Variants in PLOD1 observed in about 807,000 individuals in gnomAD.
PLOD1 encodes the protein procollagen-lysine,2-oxoglutarate 5-dioxygenase 1.
A neutral mutation model predicts 94.7 loss-of-function variants in PLOD1; 70 were observed. That is an observed-to-expected ratio of 0.74 (90% CI 0.61 to 0.90). The LOEUF is 0.90. Among genes scored for constraint, PLOD1 ranks in the 40% least tolerant of loss-of-function variants. PLOD1 has a pLI of 0.00. For synonymous variants in PLOD1, 417 were observed against 400.2 expected (o/e 1.04, Z -0.50); for missense variants, 905 against 972.7 (o/e 0.93, Z 0.93).
At chr1:11,949,222 G>A (rs1645678950) in intron 2 of PLOD1, among the ~76,000 whole-genome samples, 3 of 152,208 alleles carry the variant, frequency 2.0e-5, no homozygotes, top group Middle Eastern at 6.8e-3. Flanking sequence ...AACAGTCCCA[G>A]GGAAGGCGCT....
intron 16 of PLOD1, among the ~76,000 whole-genome samples, chr1:11,967,597 G>GAAATATATATAGATTTTATT (rs1553136679): frequency 5.0e-5 from 3 of 59,780 alleles, no homozygotes; most frequent in African/African-American, 1.3e-4. Context: ...GTGTGTGTGT[G>GAAATATATATAGATTTTATT]TATATATATA....
At chr1:11,966,934 G>A in intron 15 of PLOD1, 53 bp from the exon 16 acceptor site, 2 of 1,104,286 alleles carry the variant, frequency 1.8e-6, no homozygotes, top group Non-Finnish European at 2.8e-6. Flanking sequence ...AGAGGAAGGA[G>A]GATTCTGTGG....
chr1:11,942,704 G>T (rs1645623173), intron 1 of PLOD1, among the ~76,000 whole-genome samples: 1 of 152,200 alleles, frequency 6.6e-6, no homozygotes, highest in African/African-American at 2.4e-5. Flanking sequence ...TTGCAGCCCA[G>T]TGTCAGCGGA....
chr1:11,971,429 G>A (rs893052835), intron 17 of PLOD1: 4 of 172,794 alleles, frequency 2.3e-5, no homozygotes, highest in Non-Finnish European at 3.8e-5. Context: ...ACAGGGTGCT[G>A]GGCTGGGACT....
At position 11,964,697 on chromosome 1, in the gene PLOD1, C is replaced by T; in HGVS notation, c.1382C>T (p.Ala461Val). The T allele has an allele frequency of 6.2e-7, 1 of 1,613,370 alleles. No homozygotes were observed. The highest frequency in any genetic ancestry group is 8.5e-7 in the Non-Finnish European group (1 of 1,179,802). The change falls in exon 13 of 19, where the codon GCC becomes GTC. Residue 461 changes from alanine to valine, a missense_variant. Coordinates refer to ENST00000196061, the MANE Select transcript of PLOD1 (RefSeq NM_000302.4). The part of the protein sequence containing the change: ...ISNIYLIKGS[A>V]LRGELQSSDL... ...AACATCTACTTGATCAAGGGCAGTGCCCTGCGGGGTGAGCTGCAGTCCTCA... is the reference window on the plus strand; with the variant it reads ...AACATCTACTTGATCAAGGGCAGTGTCCTGCGGGGTGAGCTGCAGTCCTCA...
At chr1:11,956,486 C>T (rs1394469751) in intron 6 of PLOD1, among the ~76,000 whole-genome samples, 1 of 152,240 alleles carries the variant, frequency 6.6e-6, no homozygotes, top group African/African-American at 2.4e-5. Context: ...CATGCCCAGG[C>T]CTCCCCTGCA....
intron 1 of PLOD1, among the ~76,000 whole-genome samples, chr1:11,947,431 G>A (rs1235209236): frequency 1.3e-5 from 2 of 151,978 alleles, no homozygotes; most frequent in African/African-American, 4.8e-5. Flanking sequence ...TTAGCCAGGT[G>A]TGGTGGCACC....
At chr1:11,952,094 C>A (rs1645707073) in intron 4 of PLOD1, among the ~76,000 whole-genome samples, 1 of 152,202 alleles carries the variant, frequency 6.6e-6, no homozygotes, top group African/African-American at 2.4e-5. Flanking sequence ...ATGGCCTTGC[C>A]CTGGCCCAGG....
chr1:11,957,960 G>A lies in PLOD1; in HGVS notation c.843+17G>A, dbSNP rs201244598. ...GGCATTGGGGTGAGGCTGCGCCCAG[G>A]CCTGTGCCTGAGGGACACGGGGGGC... is the stretch of plus-strand genomic sequence containing the variant. On this transcript the variant is annotated intron_variant, in intron 8 of 18. Transcript: ENST00000196061. This position sits in a 1 kb window ranked among gnomAD's most constrained non-coding sequence, Gnocchi z 4.1. 1.3e-6 allele frequency: 2 copies of A among 1,543,424 alleles called. No homozygotes were observed. Among genetic ancestry groups the A allele is most frequent in the African/African-American group, 1.4e-5 (1 of 73,442 alleles).
Position 11,957,766 on chromosome 1 carries a change from G to A in PLOD1, c.742-76G>A. On this transcript the variant is annotated intron_variant, in intron 7 of 18. Transcript: ENST00000196061. This position sits in a 1 kb window ranked among gnomAD's most constrained non-coding sequence, Gnocchi z 4.1. The stretch of plus-strand genomic sequence containing the variant: ...GCTGGATGGTGCTGACCCACTGGGG[G>A]CCCAGGGAGATGTGAGTCAGGGCTA... The A allele has an allele frequency of 7.2e-6, 7 of 965,768 alleles. No homozygotes were observed. Among genetic ancestry groups the A allele is most frequent in the Non-Finnish European group, 1.2e-5 (7 of 587,916 alleles). The allele number at this position is 965,768 out of a possible 1,614,324, so 59.8% of individuals were successfully genotyped here. A position where few individuals can be genotyped will look rare whatever the true frequency, so the allele number is the denominator to read the frequency against.
At chr1:11,956,521 CTGCTCTGCCTACTCAGAG>C in intron 6 of PLOD1, among the ~76,000 whole-genome samples, 1 of 152,218 alleles carries the variant, frequency 6.6e-6, no homozygotes, top group Non-Finnish European at 1.5e-5. Context: ...TTTCTCAGTG[CTGCTCTGCCTACTCAGAG>C]AAGGCGCGTC....
chr1:11,967,029 G>A lies in PLOD1; in HGVS notation c.1693G>A (p.Ala565Thr). Residue 565 changes from alanine (A) to threonine (T), a missense_variant, in exon 16 of 19, where the codon GCC (alanine) becomes ACC (threonine). Ala to Thr is a moderately conservative substitution (Grantham distance 58). Transcript: ENST00000196061. The stretch of plus-strand genomic sequence containing the variant: ...TTGGTTCCCCATCTTCACGGAGGTG[G>A]CCTGTGATGAGCTGGTGGAGGAGAT... ...VYWFPIFTEV[A>T]CDELVEEMEH... 6.2e-7 allele frequency: 1 copy of A among 1,614,044 alleles called. No homozygotes were observed. The highest frequency in any genetic ancestry group is 8.5e-7 in the Non-Finnish European group (1 of 1,179,890).
intron 9 of PLOD1, among the ~76,000 whole-genome samples, chr1:11,959,618 ATTTTT>A (rs796969636): frequency 1.1e-5 from 1 of 93,116 alleles, no homozygotes; most frequent in East Asian, 2.9e-4. Context: ...AATTTTTTGT[ATTTTT>A]TTTTTTTTTT....
chr1:11,937,720 C>A (rs536871194), intron 1 of PLOD1, among the ~76,000 whole-genome samples: 1 of 152,266 alleles, frequency 6.6e-6, no homozygotes, highest in African/African-American at 2.4e-5. Context: ...CCAAGGAAGC[C>A]TTCACAGAGG....
intron 2 of PLOD1, among the ~76,000 whole-genome samples, chr1:11,949,430 C>CT (rs1476468538): frequency 1.7e-4 from 26 of 151,958 alleles, no homozygotes; most frequent in African/African-American, 6.0e-4. Context: ...TTCTTTTTCT[C>CT]TTTTTTTGAG....
In PLOD1 at chr1:11,965,472, C is replaced by T. The variant is rs201661871; in HGVS notation, c.1471-8C>T. ...GAGCGCCTCTTCCACCGGGCCTGTCCTCCCCAGGATGTGTTCATGTTCCTG... is the reference window on the plus strand; with the variant it reads ...GAGCGCCTCTTCCACCGGGCCTGTCTTCCCCAGGATGTGTTCATGTTCCTG... On this transcript the variant is annotated splice_polypyrimidine_tract_variant and splice_region_variant and intron_variant, in intron 13 of 18. Coordinates refer to ENST00000196061, the MANE Select transcript of PLOD1 (RefSeq NM_000302.4). 380 of 1,580,358 alleles carry T rather than the reference C, an allele frequency of 2.4e-4. No homozygotes were observed. Among genetic ancestry groups the T allele is most frequent in the Admixed American group, 6.3e-4 (38 of 59,984 alleles).
At chr1:11,960,850 CA>C (rs1475409050) in intron 10 of PLOD1, 83 bp downstream of exon 10, 1 of 1,590,992 alleles carries the variant, frequency 6.3e-7, no homozygotes, top group South Asian at 1.1e-5. Flanking sequence ...GGCTGAGTGA[CA>C]GGAGTTCAGA....
chr1:11,960,369 T>G (rs894120098), intron 9 of PLOD1, among the ~76,000 whole-genome samples: 3 of 152,162 alleles, frequency 2.0e-5, no homozygotes, highest in African/African-American at 7.2e-5. Context: ...TGTCTCTGGA[T>G]GTGGGATCCT....
intron 1 of PLOD1, among the ~76,000 whole-genome samples, chr1:11,945,474 G>A (rs995383967): frequency 6.6e-6 from 1 of 151,658 alleles, no homozygotes; most frequent in East Asian, 1.9e-4. Flanking sequence ...CACAGAGGGA[G>A]CCATGGTCCC....
Sources: allele counts gnomAD v4.1 joint callset (sites outside exome capture counted in the v4.1 genomes callset), GRCh38; gene constraint gnomAD v4.1.1; non-coding constraint Gnocchi (gnomAD v3.1); transcripts MANE v1.5; gene names NCBI Gene and HGNC (gene_info 2026-07-23, HGNC 2026-07-21).